Variants in KAZN observed in about 807,000 individuals in gnomAD.
The protein encoded by KAZN is kazrin.
In KAZN, 40 loss-of-function variants were observed where a neutral mutation model predicts 87.4. The ratio of observed to expected loss-of-function variants is 0.46; its 90% CI spans 0.36 to 0.60. KAZN has a LOEUF of 0.60. KAZN is among the 20% of genes least tolerant of loss of function. KAZN has a pLI of 0.00. For synonymous variants in KAZN, 466 were observed against 458.3 expected (o/e 1.02, Z -0.22); for missense variants, 898 against 1,073.9 (o/e 0.84, Z 2.29).
intron 2 of KAZN, among the ~76,000 whole-genome samples, chr1:14,514,395 ATTT>A (rs1337670880): frequency 1.9e-4 from 3 of 15,672 alleles, no homozygotes; most frequent in Admixed American, 8.3e-4. Context: ...TATTATATAT[ATTT>A]ATATATATAA....
intron 1 of KAZN, among the ~76,000 whole-genome samples, chr1:14,726,444 G>A (rs905037193): frequency 2.6e-5 from 4 of 152,208 alleles, no homozygotes; most frequent in Non-Finnish European, 5.9e-5. Context: ...CGGCTTCCGG[G>A]TGTGTGCTCT....
intron 2 of KAZN, among the ~76,000 whole-genome samples, chr1:14,581,840 A>G (rs1157993452): frequency 6.6e-6 from 1 of 152,136 alleles, no homozygotes; most frequent in Non-Finnish European, 1.5e-5. Flanking sequence ...TTACTGGATA[A>G]GTCAGGTTCC....
At chr1:14,262,752 A>G (rs996255769) in intron 2 of KAZN, among the ~76,000 whole-genome samples, 2 of 152,200 alleles carry the variant, frequency 1.3e-5, no homozygotes, top group African/African-American at 2.4e-5. Context: ...TTCTCCAGCT[A>G]TCTCCTGTAA....
chr1:14,945,970 G>A (rs906616034), intron 1 of KAZN: 24 of 948,562 alleles, frequency 2.5e-5, no homozygotes, highest in South Asian at 9.8e-5. Flanking sequence ...GTGCCAGGCC[G>A]CTTGCTGGGG....
At position 15,066,933 on chromosome 1, in the gene KAZN, G is replaced by A. The variant is rs996819954; in HGVS notation, c.1222+1180G>A. ...TTTATTTATCTGACATACAGAACAC[G>A]ACTTTAGTGAGCAGAGTGCTGACAG... On this transcript the variant is annotated intron_variant, in intron 8 of 14. Coordinates refer to ENST00000376030, the MANE Select transcript of KAZN (RefSeq NM_201628.3). The surrounding 1 kb of genome is among the most constrained non-coding windows in gnomAD (Gnocchi z 4.3). The A allele has an allele frequency of 3.0e-6, 3 of 985,390 alleles. No homozygotes were observed. Among genetic ancestry groups the A allele is most frequent in the Non-Finnish European group, 3.6e-6 (3 of 829,938 alleles). The allele number at this position is 985,390 out of a possible 1,614,324, so 61.0% of individuals were successfully genotyped here. A position where few individuals can be genotyped will look rare whatever the true frequency, so the allele number is the denominator to read the frequency against.
At chr1:14,479,530 C>T (rs145051164) in intron 2 of KAZN, among the ~76,000 whole-genome samples, 4 of 152,312 alleles carry the variant, frequency 2.6e-5, no homozygotes, top group East Asian at 1.9e-4. Context: ...ACCTCCACCA[C>T]GTTGCCTATG....
chr1:14,822,382 G>C (rs1053372924), intron 1 of KAZN, among the ~76,000 whole-genome samples: 2 of 152,226 alleles, frequency 1.3e-5, no homozygotes, highest in African/African-American at 4.8e-5. Flanking sequence ...TCTTCACCAA[G>C]ATTCTTTGGG....
At chr1:15,002,535 G>A (rs1668593043) in intron 2 of KAZN, among the ~76,000 whole-genome samples, 1 of 152,212 alleles carries the variant, frequency 6.6e-6, no homozygotes, top group Non-Finnish European at 1.5e-5. Flanking sequence ...CTCTCTGAAT[G>A]ACCTTGGGTG....
At chr1:14,041,581 C>T (rs1262538598) in intron 1 of KAZN, among the ~76,000 whole-genome samples, 1 of 152,186 alleles carries the variant, frequency 6.6e-6, no homozygotes, top group Non-Finnish European at 1.5e-5. Flanking sequence ...CTCCCTTATG[C>T]TCCCTTTTGG....
At chr1:14,411,537 C>G (rs1249799366) in intron 2 of KAZN, among the ~76,000 whole-genome samples, 3 of 152,136 alleles carry the variant, frequency 2.0e-5, no homozygotes, top group Non-Finnish European at 4.4e-5. Context: ...CTCAAATGAT[C>G]TGCCTGCCTG....
intron 1 of KAZN, among the ~76,000 whole-genome samples, chr1:14,927,495 T>G (rs1659299445): frequency 6.6e-6 from 1 of 152,156 alleles, no homozygotes; most frequent in African/African-American, 2.4e-5. Flanking sequence ...GAGCAGGTGC[T>G]GCTTAGTTTT....
chr1:14,848,505 G>A (rs1200067020), intron 1 of KAZN, among the ~76,000 whole-genome samples: 1 of 152,224 alleles, frequency 6.6e-6, no homozygotes, highest in Non-Finnish European at 1.5e-5. Flanking sequence ...AATTATCATT[G>A]CTAACCAAAG....
At chr1:14,965,166 A>G (rs1443686573) in intron 2 of KAZN, among the ~76,000 whole-genome samples, 1 of 151,918 alleles carries the variant, frequency 6.6e-6, no homozygotes, top group East Asian at 1.9e-4. Context: ...CTACAGGCAC[A>G]CACCACCATG....
At chr1:14,788,269 C>G in intron 1 of KAZN, among the ~76,000 whole-genome samples, 1 of 152,188 alleles carries the variant, frequency 6.6e-6, no homozygotes, top group East Asian at 1.9e-4. Context: ...AGCCTGCAAG[C>G]TCATTCGCTC....
At position 14,477,584 on chromosome 1, in the gene KAZN, G is replaced by A. The variant is rs553161886; in HGVS notation, c.250-121399G>A. Reference sequence around the variant, plus strand: ...GTGCGTCTCTTCTGATTCCCTCGGGGCTGCCAGCCACTTGGTTCACATAGC... The same window carrying A: ...GTGCGTCTCTTCTGATTCCCTCGGGACTGCCAGCCACTTGGTTCACATAGC... On this transcript the variant is annotated intron_variant, in intron 2 of 16. Coordinates refer to the KAZN transcript ENST00000636203. Among the ~76,000 whole-genome samples, 63 of 152,108 alleles carry A rather than the reference G, an allele frequency of 4.1e-4. 1 individual carries two copies. Among genetic ancestry groups the A allele is most frequent in the Admixed American group, 1.4e-3 (21 of 15,276 alleles).
intron 1 of KAZN, among the ~76,000 whole-genome samples, chr1:14,806,815 G>A (rs962794893): frequency 2.6e-5 from 4 of 152,170 alleles, no homozygotes; most frequent in Admixed American, 2.0e-4. Context: ...TGGCAGAACC[G>A]AGTTTGAATC....
rs528556250 is a variant in KAZN, at chr1:15,078,750, C to T, written c.1222+12997C>T. Among the ~76,000 whole-genome samples the T allele has an allele frequency of 2.7e-4, 41 of 152,250 alleles. 1 individual carries two copies. The highest frequency in any genetic ancestry group is 8.9e-4 in the African/African-American group (37 of 41,550). On this transcript the variant is annotated intron_variant, in intron 8 of 14. Coordinates refer to ENST00000376030, the MANE Select transcript of KAZN (RefSeq NM_201628.3). ...CGCGCATGCTGTTCCTCTCAGCTGC[C>T]GCTACGGGACCTCCAGTTAGAACGT...
intron 2 of KAZN, among the ~76,000 whole-genome samples, chr1:14,387,921 C>A (rs550787978): frequency 6.6e-6 from 1 of 152,200 alleles, no homozygotes; most frequent in Non-Finnish European, 1.5e-5. Context: ...GCCTCACTGC[C>A]GCTTTGCTGT....
intron 1 of KAZN, among the ~76,000 whole-genome samples, chr1:13,935,280 A>G (rs1640685851): frequency 1.8e-5 from 1 of 55,750 alleles, no homozygotes; most frequent in African/African-American, 6.4e-5. Context: ...AGCCTTCAGT[A>G]CTGACTAAGC....
Sources: gnomAD v4.1 joint callset for allele counts (sites outside exome capture counted in the v4.1 genomes callset) on GRCh38, gnomAD v4.1.1 for gene constraint, Gnocchi (gnomAD v3.1) non-coding constraint, MANE v1.5 for transcripts, NCBI Gene and HGNC (gene_info 2026-07-23, HGNC 2026-07-21) for gene names.